KDM5D: variants seen among roughly 807,000 people sequenced by gnomAD.
KDM5D encodes lysine demethylase 5D.
KDM5D carries 25 observed loss-of-function variants against 31.9 expected under a neutral mutation model. The ratio of observed to expected loss-of-function variants is 0.78; its 90% confidence interval spans 0.57 to 1.09. The LOEUF is 1.09. Ranked by LOEUF, KDM5D falls within the 50% of genes least tolerant of loss-of-function variation. The pLI, the probability that KDM5D is intolerant of heterozygous loss-of-function variation, is 0.00. For synonymous variants in KDM5D, 146 were observed against 122.3 expected (o/e 1.19, Z -1.28); for missense variants, 366 against 341.6 (o/e 1.07, Z -0.56).
In KDM5D at chrY:19,709,488, G is replaced by C; in HGVS notation, c.2905C>G (p.Arg969Gly). 7.5e-6 allele frequency: 3 copies of C among 398,391 alleles called. No homozygotes were observed. Among genetic ancestry groups the C allele is most frequent in the Non-Finnish European group, 1.1e-5 (3 of 283,276 alleles). The change falls in exon 20 of 27, where the codon CGC becomes GGC. Residue 969 changes from arginine to glycine, a missense_variant. Arg to Gly is a moderately radical substitution (Grantham distance 125). Transcript: ENST00000317961. ...ELQELLTIAE[R>G]WEEKAHFCLE... ...CAGAAATGAGCCTTTTCTTCCCAGC[G>C]CTCTGCAATGGTCAGTAGTTCTTGC...
chrY:19,724,797 T>C, intron 11 of KDM5D, among the ~76,000 whole-genome samples: 2 of 33,251 alleles, frequency 6.0e-5, no homozygotes, highest in Non-Finnish European at 1.5e-4. Context: ...GCAGATGACA[T>C]GGTTATATAT....
intron 18 of KDM5D, among the ~76,000 whole-genome samples, chrY:19,713,286 A>G (rs973176794): frequency 2.9e-5 from 1 of 34,038 alleles, no homozygotes; most frequent in Non-Finnish European, 7.3e-5. Flanking sequence ...AACTGCGGCA[A>G]AAGCAAAAAT....
intron 13 of KDM5D, among the ~76,000 whole-genome samples, chrY:19,717,154 C>G: frequency 3.0e-5 from 1 of 33,517 alleles, no homozygotes; most frequent in Non-Finnish European, 7.4e-5. Context: ...TTTTTAAAAG[C>G]TTTTACATTG....
At chrY:19,743,397 C>CA (rs1236142079) in intron 2 of KDM5D, among the ~76,000 whole-genome samples, 158 bp from the exon 3 acceptor site, 74 of 5,674 alleles carry the variant, frequency 0.013, no homozygotes, top group Non-Finnish European at 0.023. Context: ...AGATTAACTG[C>CA]AAAAAAAAAA....
chrY:19,730,171 G>A (rs2045462411), intron 11 of KDM5D, among the ~76,000 whole-genome samples: 1 of 33,913 alleles, frequency 2.9e-5, no homozygotes, highest in African/African-American at 1.1e-4. Flanking sequence ...GAACAAGTCA[G>A]AGAACACACA....
At chrY:19,718,926 T>G in intron 13 of KDM5D, among the ~76,000 whole-genome samples, 2 of 33,184 alleles carry the variant, frequency 6.0e-5, no homozygotes, top group Non-Finnish European at 1.5e-4. Context: ...ATCCCAGCAC[T>G]TTGGGAGGCC....
rs370953708 is a variant in KDM5D, at chrY:19,706,869, G to A, written c.4000-6C>T. On this transcript the variant is annotated splice_polypyrimidine_tract_variant and splice_region_variant and intron_variant, in intron 24 of 26. Coordinates refer to ENST00000317961, the MANE Select transcript of KDM5D (RefSeq NM_004653.5). ...TTCTCCAGCAGCCCTTGGACCTATC[G>A]GAAAAAAAGAATGGGTAACAATAAT... The A allele has an allele frequency of 1.6e-4, 61 of 387,514 alleles. No homozygotes were observed. Among genetic ancestry groups the A allele is most frequent in the African/African-American group, 8.4e-4 (13 of 15,399 alleles).
intron 13 of KDM5D, among the ~76,000 whole-genome samples, chrY:19,719,164 C>T (rs2045374871): frequency 7.0e-5 from 2 of 28,630 alleles, no homozygotes; most frequent in Admixed American, 3.0e-4. Flanking sequence ...AGCGAGACTC[C>T]GTCTCAAAAA....
At position 19,721,573 on chromosome Y, in the gene KDM5D, T is replaced by G. The variant is rs377523918; in HGVS notation, c.1372-262A>C. On this transcript the variant is annotated intron_variant, in intron 11 of 26. Coordinates refer to ENST00000317961, the MANE Select transcript of KDM5D (RefSeq NM_004653.5). ...AACATTCAAATTGGAAAAGAGAAAG[T>G]TATGTTATCCCTGTTTGAAGATTTA... The G allele has an allele frequency of 3.3e-5, 3 of 90,531 alleles. No individual in the cohort carries two copies. The East Asian group carries it at 5.4e-4, about 16-fold the overall frequency. 22.6% of individuals were successfully genotyped at this position (90,531 alleles called of 400,897 possible).
chrY:19,707,373 C>A lies in KDM5D; in HGVS notation c.3773G>T (p.Arg1258Leu). ...CTGAAGGGCCTCACCCTCAGGCAGCCGCACGGGCAGCCTCTGCAGGGCAAC... is the reference window on the plus strand; with the variant it reads ...CTGAAGGGCCTCACCCTCAGGCAGCAGCACGGGCAGCCTCTGCAGGGCAAC... Reference protein sequence around the residue: ...LLVALQRLPVRLPEGEALQCL... With the variant: ...LLVALQRLPVLLPEGEALQCL... The change falls in exon 24 of 27, where the codon CGG becomes CTG. Residue 1258 changes from arginine to leucine, a missense_variant. Arg to Leu is a moderately radical substitution (Grantham distance 102). Transcript: ENST00000317961. The A allele has an allele frequency of 2.5e-6, 1 of 397,153 alleles. No homozygotes were observed. Among genetic ancestry groups the A allele is most frequent in the East Asian group, 9.3e-5 (1 of 10,783 alleles).
At chrY:19,721,091 A>C in intron 12 of KDM5D, 39 bp downstream of exon 12, 1 of 393,861 alleles carries the variant, frequency 2.5e-6, no homozygotes, top group Non-Finnish European at 3.6e-6. Context: ...ATATGAGGGC[A>C]GTCTTGATAT....
intron 13 of KDM5D, among the ~76,000 whole-genome samples, chrY:19,717,225 A>G: frequency 3.0e-5 from 1 of 33,810 alleles, no homozygotes; most frequent in South Asian, 6.7e-4. Flanking sequence ...CCCAATTCCT[A>G]TGTAAGCAGC....
chrY:19,732,878 G>A, intron 8 of KDM5D, 136 bp from the exon 9 acceptor site: 2 of 152,991 alleles, frequency 1.3e-5, no homozygotes, highest in Non-Finnish European at 2.4e-5. Flanking sequence ...TTACTACCTA[G>A]TGCAAACTAT....
intron 8 of KDM5D, among the ~76,000 whole-genome samples, chrY:19,733,527 A>G (rs750167760): frequency 3.1e-5 from 1 of 31,828 alleles, no homozygotes; most frequent in African/African-American, 1.2e-4. Flanking sequence ...GCATATATAC[A>G]CATACATATG....
At chrY:19,743,410 A>G in intron 2 of KDM5D, among the ~76,000 whole-genome samples, 171 bp from the exon 3 acceptor site, 1 of 30,534 alleles carries the variant, frequency 3.3e-5, no homozygotes, top group Admixed American at 3.1e-4. Flanking sequence ...AAAAAAAAAA[A>G]AAAGGAAAAA....
chrY:19,734,639 C>T (rs746202935), intron 8 of KDM5D, among the ~76,000 whole-genome samples: 16 of 33,322 alleles, frequency 4.8e-4, no homozygotes, highest in Non-Finnish European at 9.7e-4. Flanking sequence ...CAAGTGGGAA[C>T]AGGACAGTGG....
rs2045551280 is a variant in KDM5D at position 19,741,489 on chromosome Y, C to T, written c.352-1G>A. On this transcript the variant is annotated splice_acceptor_variant, in intron 4 of 26. Transcript: ENST00000317961. LOFTEE classifies it high-confidence loss of function. ...CATAGCCACCTTCCTCAATCACAAT[C>T]TGAAAGTATAAGAAACAATATGGAT... 2 of 381,862 alleles carry T rather than the reference C, an allele frequency of 5.2e-6. No homozygotes were observed. Among genetic ancestry groups the T allele is most frequent in the African/African-American group, 1.3e-4 (2 of 15,327 alleles).
At chrY:19,732,859 T>G in intron 8 of KDM5D, 117 bp from the exon 9 acceptor site, 1 of 163,367 alleles carries the variant, frequency 6.1e-6, no homozygotes, top group Non-Finnish European at 1.1e-5. Flanking sequence ...CAGTGTTGTA[T>G]TTATGAGCTT....
chrY:19,716,025 T>C (rs1295403786), intron 15 of KDM5D, 21 bp from the exon 16 acceptor site: 2 of 390,489 alleles, frequency 5.1e-6, no homozygotes, highest in South Asian at 3.0e-5. Flanking sequence ...TCAACCCACA[T>C]ATACTGTAAA....
Sources: allele counts gnomAD v4.1 joint callset (sites outside exome capture counted in the v4.1 genomes callset), GRCh38; gene constraint gnomAD v4.1.1; transcripts MANE v1.5; gene names NCBI Gene and HGNC (gene_info 2026-07-23, HGNC 2026-07-21).